Variants in CERS2 observed in about 807,000 individuals in gnomAD.
CERS2 encodes the protein ceramide synthase 2.
Under a neutral mutation model 56.6 loss-of-function variants are expected in CERS2, and 20 were observed. The ratio of observed to expected loss-of-function variants is 0.35; its 90% CI spans 0.25 to 0.51. The LOEUF (loss-of-function observed/expected upper bound fraction) is 0.51, where lower values mean the gene tolerates loss of function less well. Ranked by LOEUF, CERS2 falls within the 20% of genes least tolerant of loss-of-function variation. CERS2 has a pLI of 0.96. For missense variants in CERS2, 361 were observed against 488.6 expected (o/e 0.74, Z 2.46); for synonymous variants, 187 against 175.4 (o/e 1.07, Z -0.52).
At chr1:150,973,217 T>C (rs36006230) in intron 1 of CERS2, 2 of 152,176 alleles carry the variant, frequency 1.3e-5, no homozygotes, top group Non-Finnish European at 2.9e-5. Flanking sequence ...ATAAGCCAGA[T>C]TGTAAAAAAG....
At chr1:150,966,450 C>T in intron 10 of CERS2, 26 bp downstream of exon 10, 1 of 1,613,592 alleles carries the variant, frequency 6.2e-7, no homozygotes, top group Admixed American at 1.7e-5. Flanking sequence ...AGTAGTAAGG[C>T]CTACACAATG....
At chr1:150,973,476 G>C (rs1362319229) in intron 1 of CERS2, among the ~76,000 whole-genome samples, 1 of 152,260 alleles carries the variant, frequency 6.6e-6, no homozygotes, top group East Asian at 1.9e-4. Flanking sequence ...AATCTGGCCA[G>C]AGGCCCCAGT....
Position 150,966,772 on chromosome 1 carries a change from C to A in CERS2, c.832G>T (p.Val278Phe). The change falls in exon 9 of 11, where the codon GTC becomes TTC. Residue 278 changes from valine (V) to phenylalanine (F), a missense_variant. By Grantham distance (50) the Val-to-Phe change is conservative. This residue lies in a region of CERS2 where 122 missense variants were observed against 151.9 expected (regional missense o/e 0.80). Coordinates refer to ENST00000368954, the MANE Select transcript of CERS2 (RefSeq NM_022075.5). Reference protein sequence around the residue: ...FAIVFIITRLVILPFWILHCT... With the variant: ...FAIVFIITRLFILPFWILHCT... ...CCTACTCACCAGAAGGGCAGGATGA[C>A]CAGTCGGGTGATGATAAAAACAATG... 1 of 1,613,768 alleles carries A rather than the reference C, an allele frequency of 6.2e-7. No individual in the cohort carries two copies. The highest frequency in any genetic ancestry group is 1.1e-5 in the South Asian group (1 of 91,066).
At chr1:150,969,275 G>T in intron 1 of CERS2, 184 bp from the exon 2 acceptor site, 1 of 599,348 alleles carries the variant, frequency 1.7e-6, no homozygotes, top group Non-Finnish European at 2.9e-6. Flanking sequence ...TGGCTTTCCA[G>T]TTTTAACATT....
At position 150,969,023 on chromosome 1, in the gene CERS2, G is replaced by A. The variant is rs1448884967; in HGVS notation, c.68C>T (p.Ala23Val). Residue 23 changes from alanine to valine, a missense_variant, in exon 2 of 11, where the codon GCC becomes GTC. Coordinates refer to ENST00000368954, the MANE Select transcript of CERS2 (RefSeq NM_022075.5). ...RLWLPVNLTW[A>V]DLEDRDGRVY... is the part of the protein sequence containing the mutation. ...ACGTCCATCTCGGTCTTCTAGATCG[G>A]CCCAGGTCAAGTTCACAGGCAGCCA... 55 of 1,613,988 alleles carry A rather than the reference G, an allele frequency of 3.4e-5. No individual in the cohort carries two copies. Among genetic ancestry groups the A allele is most frequent in the Non-Finnish European group, 4.7e-5 (55 of 1,180,036 alleles).
chr1:150,968,503 A>G lies in CERS2; in HGVS notation c.183T>C (p.Ala61=). 1 of 1,613,388 alleles carries G rather than the reference A, an allele frequency of 6.2e-7. No individual in the cohort carries two copies. The highest frequency in any genetic ancestry group is 1.1e-5 in the South Asian group (1 of 91,074). Residue 61 remains alanine (A), a synonymous_variant, in exon 3 of 11, where the codon GCT becomes GCC. Coordinates refer to ENST00000368954, the MANE Select transcript of CERS2 (RefSeq NM_022075.5). ...IVRYFFELYV[A]TPLAALLNIK... ...TGTTCAAGAGGGCAGCCAGTGGTGT[A>G]GCCACGTACCTGGGGAAGGGATATG...
intron 1 of CERS2, 114 bp from the exon 2 acceptor site, chr1:150,969,205 C>T: frequency 1.2e-6 from 1 of 830,406 alleles, no homozygotes; most frequent in Non-Finnish European, 1.9e-6. Context: ...GAGTCGAACT[C>T]TAGATCCCTA....
Position 150,966,097 on chromosome 1 carries a change from G to A in CERS2, c.*51C>T, listed in dbSNP as rs1043506238. The A allele has an allele frequency of 6.4e-7, 1 of 1,570,724 alleles. No individual in the cohort carries two copies. Among genetic ancestry groups the A allele is most frequent in the Non-Finnish European group, 8.7e-7 (1 of 1,150,640 alleles). On this transcript the variant is annotated 3_prime_UTR_variant, in exon 11 of 11. Coordinates refer to ENST00000368954, the MANE Select transcript of CERS2 (RefSeq NM_022075.5). ...AGTGACCCTATAGCGCAGGGAGCGGGGTAGTTCCTTGGCTTTATGCATTAA... is the reference window on the plus strand; with the variant it reads ...AGTGACCCTATAGCGCAGGGAGCGGAGTAGTTCCTTGGCTTTATGCATTAA...
chr1:150,968,559 A>C (rs1314539885), intron 2 of CERS2, 47 bp from the exon 3 acceptor site: 1 of 1,454,202 alleles, frequency 6.9e-7, no homozygotes, highest in African/African-American at 1.4e-5. Flanking sequence ...GGGAAGGGAA[A>C]GGGCTGCAAG....
At chr1:150,967,014 A>G (rs1671043417) in intron 8 of CERS2, 60 bp downstream of exon 8, 1 of 1,602,434 alleles carries the variant, frequency 6.2e-7, no homozygotes, top group East Asian at 2.2e-5. Flanking sequence ...CTCCCTCCCA[A>G]AGAAAACCAA....
rs1392417949 is a variant in CERS2, at chr1:150,968,181, G to C, written c.312C>G (p.Ser104=). ...GGCGGCCAGAGAGCCCGCTCTGCCG[G>C]GACAAAAGCTCTACTTCCACCTGGG... ...QPKQVEVELL[S]RQSGLSGRQV... Residue 104 remains serine, a synonymous_variant, in exon 4 of 11, where the codon TCC becomes TCG. Coordinates refer to ENST00000368954, the MANE Select transcript of CERS2 (RefSeq NM_022075.5). 6.2e-7 allele frequency: 1 copy of C among 1,609,098 alleles called. No individual in the cohort carries two copies. Among genetic ancestry groups the C allele is most frequent in the Non-Finnish European group, 8.5e-7 (1 of 1,179,968 alleles).
intron 1 of CERS2, among the ~76,000 whole-genome samples, chr1:150,972,923 A>C (rs939771428): frequency 1.3e-5 from 2 of 152,208 alleles, no homozygotes; most frequent in Non-Finnish European, 2.9e-5. Flanking sequence ...AGAAGGCAGA[A>C]GTTTCGGCCT....
At chr1:150,974,411 T>G (rs1444318510) in intron 1 of CERS2, 1 of 148,490 alleles carries the variant, frequency 6.7e-6, no homozygotes, top group African/African-American at 2.4e-5. Context: ...CTTGAGGCGC[T>G]GCGCCCGCCT....
Position 150,974,661 on chromosome 1 carries a change from C to G in CERS2, c.-44G>C, listed in dbSNP as rs1409641158. 6.6e-6 allele frequency: 1 copy of G among 150,492 alleles called. No homozygotes were observed. Among genetic ancestry groups the G allele is most frequent in the Non-Finnish European group, 1.5e-5 (1 of 67,166 alleles). The allele number at this position is 150,492 out of a possible 1,614,324, so 9.3% of individuals were successfully genotyped here. On this transcript the variant is annotated 5_prime_UTR_variant, in exon 1 of 11. Transcript: ENST00000368954. ...GGGGCCGGGGCCGCTGCTCCGTGTA[C>G]TCCGTCTGCTCGGGTGGTTGCTCCG...
In CERS2 at chr1:150,966,626, G is replaced by T. The variant is rs756845739; in HGVS notation, c.852C>A (p.Ile284=). Residue 284 remains isoleucine, a synonymous_variant, in exon 10 of 11, where the codon ATC becomes ATA. Transcript: ENST00000368954. The part of the protein sequence containing the change: ...ITRLVILPFW[I]LHCTLVYPLE... ...GTGGGTACACCAGGGTGCAATGCAG[G>T]ATCCTGAGGATTCAAGGAGAGAGAG... 6 of 1,613,824 alleles carry T rather than the reference G, an allele frequency of 3.7e-6. No individual in the cohort carries two copies. Among genetic ancestry groups the T allele is most frequent in the Non-Finnish European group, 3.4e-6 (4 of 1,179,916 alleles).
rs746066772 is a variant in CERS2, at chr1:150,967,112, T to C, written c.703A>G (p.Ile235Val). Residue 235 changes from isoleucine to valine, a missense_variant, in exon 8 of 11, where the codon ATC becomes GTC. By Grantham distance (29) the Ile-to-Val change is conservative (BLOSUM62 3). Transcript: ENST00000368954. ...TCGGAAGAGTCATGCAGAGCCATGA[T>C]TAGAGTCCCAGCTCGGATGTAATTG... ...FANYIRAGTLIMALHDSSDYL... is the reference protein window; with the variant it reads ...FANYIRAGTLVMALHDSSDYL... 2 of 1,613,942 alleles carry C rather than the reference T, an allele frequency of 1.2e-6. No individual in the cohort carries two copies. Among genetic ancestry groups the C allele is most frequent in the Non-Finnish European group, 1.7e-6 (2 of 1,179,866 alleles).
chr1:150,968,584 C>A (rs950294311), intron 2 of CERS2, 72 bp from the exon 3 acceptor site: 4 of 1,234,798 alleles, frequency 3.2e-6, no homozygotes, highest in Non-Finnish European at 4.8e-6. Context: ...GGCAACTTTA[C>A]CCTGGCCTCA....
rs200320905 is a variant in CERS2 at position 150,966,654 on chromosome 1, C to A, written c.849-25G>T. On this transcript the variant is annotated intron_variant, in intron 9 of 10. Transcript: ENST00000368954. Reference sequence around the variant, plus strand: ...CCTGAGGATTCAAGGAGAGAGAGAACGTGGACAAGAGCAGGTCAGACACCG... The same window carrying A: ...CCTGAGGATTCAAGGAGAGAGAGAAAGTGGACAAGAGCAGGTCAGACACCG... 3.2e-5 allele frequency: 52 copies of A among 1,613,190 alleles called. No individual in the cohort carries two copies. The East Asian group carries it at 1.0e-3, about 32-fold the overall frequency.
At chr1:150,967,291 C>A in intron 7 of CERS2, 89 bp from the exon 8 acceptor site, 3 of 1,465,782 alleles carry the variant, frequency 2.0e-6, no homozygotes, top group Non-Finnish European at 2.9e-6. Context: ...TCCCCATATA[C>A]CAACAGCTCC....
Sources: gnomAD v4.1 joint callset for allele counts (sites outside exome capture counted in the v4.1 genomes callset) on GRCh38, gnomAD v4.1.1 for gene constraint, gnomAD v4.1.1 regional missense constraint, MANE v1.5 for transcripts, NCBI Gene and HGNC (gene_info 2026-07-23, HGNC 2026-07-21) for gene names.